The following CLSPN variants were observed in gnomAD, a reference collection of about 807,000 sequenced individuals.
The protein encoded by CLSPN is claspin, also known as claspin homolog.
CLSPN carries 85 observed loss-of-function variants against 156.3 expected under a neutral mutation model. That is an observed-to-expected ratio of 0.54 (90% CI 0.46 to 0.65). The LOEUF (loss-of-function observed/expected upper bound fraction) is 0.65, where lower values mean the gene tolerates loss of function less well. CLSPN is among the 30% of genes least tolerant of loss of function. The pLI is 0.00. For missense variants in CLSPN, 1,407 were observed against 1,554.9 expected (o/e 0.90, Z 1.60); for synonymous variants, 534 against 542.4 (o/e 0.98, Z 0.22).
At chr1:35,729,222 C>T (rs1052388552), downstream of CLSPN, among the ~76,000 whole-genome samples, 1 of 152,180 alleles carries the variant, frequency 6.6e-6, no homozygotes, top group Non-Finnish European at 1.5e-5. Context: ...CCTGCCTCAG[C>T]ACTTTCTACC....
chr1:35,766,003 T>TTTG (rs1642660417), intron 1 of CLSPN, among the ~76,000 whole-genome samples: 1 of 149,244 alleles, frequency 6.7e-6, no homozygotes, highest in South Asian at 2.1e-4. Context: ...TCTTTTTTTT[T>TTTG]TTTTTTTTTG....
At chr1:35,755,165 C>T (rs1642229345) in intron 8 of CLSPN, among the ~76,000 whole-genome samples, 2 of 152,106 alleles carry the variant, frequency 1.3e-5, no homozygotes, top group South Asian at 4.1e-4. Flanking sequence ...GCAATCTTGG[C>T]TCTCACTGTA....
intron 1 of CLSPN, among the ~76,000 whole-genome samples, chr1:35,766,747 T>C (rs1003248558): frequency 6.6e-6 from 1 of 151,216 alleles, no homozygotes; most frequent in African/African-American, 2.4e-5. Context: ...CCCGGCTATA[T>C]GTATATTTCC....
At chr1:35,758,118 C>A (rs1642338142) in intron 8 of CLSPN, among the ~76,000 whole-genome samples, 1 of 151,898 alleles carries the variant, frequency 6.6e-6, no homozygotes, top group Non-Finnish European at 1.5e-5. Context: ...CAGATATAGT[C>A]ACTGACATAG....
chr1:35,763,125 T>C (rs748050610), intron 4 of CLSPN, 35 bp downstream of exon 4: 3 of 1,467,422 alleles, frequency 2.0e-6, no homozygotes, highest in Non-Finnish European at 2.7e-6. Context: ...TCAGAAGCAG[T>C]TGATTAACTC....
Position 35,749,736 on chromosome 1 carries a change from C to T in CLSPN, c.2104G>A (p.Gly702Ser), listed in dbSNP as rs772590605. 6.2e-7 allele frequency: 1 copy of T among 1,614,032 alleles called. No homozygotes were observed. The highest frequency in any genetic ancestry group is 8.5e-7 in the Non-Finnish European group (1 of 1,179,944). ...EKEMDKENND[G>S]SSEIGKAVGF... ...ACTGCCTTGCCAATTTCACTACTGC[C>T]ATCATTATTTTCTTTATCCATTTCT... The change falls in exon 11 of 25, where the codon GGC (glycine) becomes AGC (serine). Residue 702 changes from glycine (G) to serine (S), a missense_variant. Gly to Ser is a moderately conservative substitution (Grantham distance 56, BLOSUM62 0). This residue lies in a region of CLSPN where 1,096 missense variants were observed against 1,193.0 expected (regional missense o/e 0.92). Transcript: ENST00000318121.
At chr1:35,728,077 C>CTTTTTTTTTTTTTTTTTTTTTTTTTT (rs59275877), downstream of CLSPN, among the ~76,000 whole-genome samples, 3 of 103,982 alleles carry the variant, frequency 2.9e-5, no homozygotes, top group Non-Finnish European at 3.8e-5. Context: ...AAACCACAAG[C>CTTTTTTTTTTTTTTTTTTTTTTTTTT]TTTTTTTTTT....
At chr1:35,756,407 A>C (rs1642272008) in intron 8 of CLSPN, among the ~76,000 whole-genome samples, 1 of 152,218 alleles carries the variant, frequency 6.6e-6, no homozygotes, top group Non-Finnish European at 1.5e-5. Flanking sequence ...TAGGATCCTC[A>C]AAGCTCTTCC....
chr1:35,741,973 CAAAAAAAA>C (rs767602385), intron 18 of CLSPN, among the ~76,000 whole-genome samples: 1 of 55,664 alleles, frequency 1.8e-5, no homozygotes, highest in Non-Finnish European at 2.8e-5. Flanking sequence ...GACTCCGTCT[CAAAAAAAA>C]AAAAAAAAAA....
At chr1:35,745,163 A>G (rs971206655) in intron 16 of CLSPN, among the ~76,000 whole-genome samples, 1 of 152,126 alleles carries the variant, frequency 6.6e-6, no homozygotes, top group Non-Finnish European at 1.5e-5. Flanking sequence ...CAATTTCTCC[A>G]CATTCTCACT....
At chr1:35,756,607 A>G (rs1642277730) in intron 8 of CLSPN, among the ~76,000 whole-genome samples, 1 of 152,166 alleles carries the variant, frequency 6.6e-6, no homozygotes, top group Admixed American at 6.6e-5. Context: ...GCTTATCTCT[A>G]TCAGCAGCAT....
chr1:35,729,162 G>A (rs1641260712), downstream of CLSPN, among the ~76,000 whole-genome samples: 2 of 152,096 alleles, frequency 1.3e-5, no homozygotes, highest in African/African-American at 4.8e-5. Context: ...TTCAGCCTCT[G>A]AGAAAAAGAG....
chr1:35,769,105 A>G (rs1423698012), intron 1 of CLSPN, among the ~76,000 whole-genome samples: 3 of 152,232 alleles, frequency 2.0e-5, no homozygotes, highest in African/African-American at 7.2e-5. Context: ...ATTTTGTTCA[A>G]TATCAAATCA....
Position 35,747,953 on chromosome 1 carries a change from ACT to A in CLSPN, c.2579_2580del (p.Gln860LeufsTer6). On this transcript the variant is annotated frameshift_variant, in exon 14 of 25. Transcript: ENST00000318121. LOFTEE classifies it high-confidence loss of function. ...KTLFLGAGDF[Q>X]FCLEDDTQSQ... ...CTCTGAGTGTCATCTTCTAAACAGA[ACT>A]GGAAGTCTCCTGCTCCTAGGAAAAG... 1 of 1,614,190 alleles carries A rather than the reference ACT, an allele frequency of 6.2e-7. No individual in the cohort carries two copies. The highest frequency in any genetic ancestry group is 8.5e-7 in the Non-Finnish European group (1 of 1,180,028).
Position 35,738,519 on chromosome 1 carries a change from A to G in CLSPN, c.3494T>C (p.Leu1165Pro). 4 of 1,613,926 alleles carry G rather than the reference A, an allele frequency of 2.5e-6. No individual in the cohort carries two copies. The highest frequency in any genetic ancestry group is 3.4e-6 in the Non-Finnish European group (4 of 1,179,890). ...CCTCCACCTGGCTTCTGACTCATCAAGCTGTTCTTCAGTCTGATCATCATC... is the reference window on the plus strand; with the variant it reads ...CCTCCACCTGGCTTCTGACTCATCAGGCTGTTCTTCAGTCTGATCATCATC... ...DSDDDQTEEQ[L>P]DESEARWRKE... The change falls in exon 21 of 25, where the codon CTT becomes CCT. Residue 1165 changes from leucine to proline, a missense_variant. Transcript: ENST00000318121.
chr1:35,744,088 A>C (rs1641790907), intron 16 of CLSPN, among the ~76,000 whole-genome samples: 2 of 152,178 alleles, frequency 1.3e-5, no homozygotes, highest in Admixed American at 6.5e-5. Flanking sequence ...CAATCTCCAG[A>C]ACTCTTTTCA....
intron 13 of CLSPN, 151 bp downstream of exon 13, chr1:35,748,254 G>A (rs1641958006): frequency 1.0e-6 from 1 of 954,764 alleles, no homozygotes; most frequent in African/African-American, 1.6e-5. Context: ...GATGAAGCTT[G>A]TTTTTAATAC....
chr1:35,748,187 C>T, intron 13 of CLSPN, 126 bp from the exon 14 acceptor site: 1 of 1,095,842 alleles, frequency 9.1e-7, no homozygotes, highest in Non-Finnish European at 1.3e-6. Context: ...TTGAGGGGGA[C>T]AATACACAGC....
At chr1:35,748,200 T>C in intron 13 of CLSPN, 139 bp from the exon 14 acceptor site, 2 of 1,051,476 alleles carry the variant, frequency 1.9e-6, no homozygotes, top group South Asian at 1.6e-5. Flanking sequence ...TACACAGCCA[T>C]GAGAAGCATA....
Sources: gnomAD v4.1 joint callset for allele counts (sites outside exome capture counted in the v4.1 genomes callset) on GRCh38, gnomAD v4.1.1 for gene constraint, gnomAD v4.1.1 regional missense constraint, MANE v1.5 for transcripts, NCBI Gene and HGNC (gene_info 2026-07-23, HGNC 2026-07-21) for gene names.